UBE2E1: variants seen among roughly 807,000 people sequenced by gnomAD.
The protein encoded by UBE2E1 is ubiquitin-conjugating enzyme E2 E1.
In UBE2E1, 6 loss-of-function variants were observed where a neutral mutation model predicts 21.4. The ratio of observed to expected loss-of-function variants is 0.28; its 90% CI spans 0.15 to 0.55. UBE2E1 has a LOEUF of 0.55. Among genes scored for constraint, UBE2E1 ranks in the 20% least tolerant of loss-of-function variants. The pLI is 0.93. For missense variants in UBE2E1, 142 were observed against 236.5 expected (o/e 0.60, Z 2.62); for synonymous variants, 87 against 82.7 (o/e 1.05, Z -0.28).
At chr3:23,807,168 C>A in intron 1 of UBE2E1, 69 bp from the exon 2 acceptor site, 2 of 1,360,568 alleles carry the variant, frequency 1.5e-6, no homozygotes, top group Non-Finnish European at 2.0e-6. Flanking sequence ...CTCCTGACAG[C>A]ACCCGAGTTC....
intron 3 of UBE2E1, among the ~76,000 whole-genome samples, chr3:23,858,612 G>A (rs966006532): frequency 4.6e-5 from 7 of 152,096 alleles, no homozygotes; most frequent in East Asian, 1.9e-4. Flanking sequence ...GACCCACTGC[G>A]CCCGGCCAGG....
At chr3:23,885,815 G>A (rs1375446268) in intron 3 of UBE2E1, among the ~76,000 whole-genome samples, 6 of 152,150 alleles carry the variant, frequency 3.9e-5, no homozygotes, top group East Asian at 3.9e-4. Context: ...AGCCGAGATC[G>A]TGCCATTGCA....
In UBE2E1 at chr3:23,843,405, A is replaced by G. The variant is rs76271604; in HGVS notation, c.203+31895A>G. Among the ~76,000 whole-genome samples, 1,425 of 152,288 alleles carry G rather than the reference A, an allele frequency of 9.4e-3. 70 individuals are homozygous for G. Among genetic ancestry groups the G allele is most frequent in the Admixed American group, 0.073 (1,117 of 15,282 alleles). On this transcript the variant is annotated intron_variant, in intron 3 of 5. Transcript: ENST00000306627. ...ACAACTGTGGCACACCATTCACATA[A>G]TGATAATATAGATTTTCTCAGTTCT... is the stretch of plus-strand genomic sequence containing the variant.
rs72627027 is a variant in UBE2E1 at position 23,852,791 on chromosome 3, G to C, written c.204-34776G>C. ...AGCTAGGTTTTTGTATTTTTGTAGA[G>C]CAGGGGTCTCACCATGTTGCCCAGG... On this transcript the variant is annotated intron_variant, in intron 3 of 5. Coordinates refer to ENST00000306627, the MANE Select transcript of UBE2E1 (RefSeq NM_003341.5). 3.7e-3 allele frequency among the ~76,000 whole-genome samples: 558 copies of C among 152,172 alleles called. 18 individuals carry two copies. In the East Asian group the frequency reaches 0.052, roughly 14 times the overall value.
rs759418034 is a variant in UBE2E1, at chr3:23,842,246, T to TGTGTGTGTGTG, written c.203+30739_203+30740insTGTGTGTGGTG. On this transcript the variant is annotated intron_variant, in intron 3 of 5. Coordinates refer to ENST00000306627, the MANE Select transcript of UBE2E1 (RefSeq NM_003341.5). This position sits in a 1 kb window ranked among gnomAD's most constrained non-coding sequence, Gnocchi z 4.6. ...GTGTGTGTGTGTGTGTGTGTGTGTG[T>TGTGTGTGTGTG]GTGGTGTTGTTGTTGTTGGCGACAG... Among the ~76,000 whole-genome samples the TGTGTGTGTGTG allele has an allele frequency of 3.8e-3, 140 of 36,740 alleles. No homozygotes were observed. The highest frequency in any genetic ancestry group is 9.6e-3 in the African/African-American group (122 of 12,738). 24.1% of individuals were successfully genotyped at this position (36,740 alleles called of 152,430 possible). A position where few individuals can be genotyped will look rare whatever the true frequency, so the allele number is the denominator to read the frequency against.
chr3:23,806,438 GC>G lies in UBE2E1; in HGVS notation c.-34+351del, dbSNP rs1470995182. On this transcript the variant is annotated intron_variant, in intron 1 of 5. Transcript: ENST00000306627. This position sits in a 1 kb window ranked among gnomAD's most constrained non-coding sequence, Gnocchi z 6.5. ...TGGGGGAGCCCCGTTTTCCCCAGGG[GC>G]GGGGGTTCGCGGGGATTAACCCCTC... Among the ~76,000 whole-genome samples, 6 of 151,758 alleles carry G rather than the reference GC, an allele frequency of 4.0e-5. No homozygotes were observed. The highest frequency in any genetic ancestry group is 7.4e-5 in the Non-Finnish European group (5 of 67,818).
Position 23,827,029 on chromosome 3 carries a change from C to G in UBE2E1, c.203+15519C>G, listed in dbSNP as rs1431163797. Among the ~76,000 whole-genome samples, 3 of 152,090 alleles carry G rather than the reference C, an allele frequency of 2.0e-5. No individual in the cohort carries two copies. In the East Asian group the frequency reaches 5.8e-4, roughly 29 times the overall value. ...CAGTTTCTCATGACTCCTCCCTCTCCCCACTAATAAACAGCTAAGAAAAGG... is the reference window on the plus strand; with the variant it reads ...CAGTTTCTCATGACTCCTCCCTCTCGCCACTAATAAACAGCTAAGAAAAGG... On this transcript the variant is annotated intron_variant, in intron 3 of 5. Transcript: ENST00000306627.
chr3:23,844,483 G>A lies in UBE2E1; in HGVS notation c.203+32973G>A, dbSNP rs191418685. Among the ~76,000 whole-genome samples the A allele has an allele frequency of 2.5e-3, 383 of 152,222 alleles. 1 individual carries two copies. The highest frequency in any genetic ancestry group is 3.9e-3 in the Non-Finnish European group (267 of 68,028). The stretch of plus-strand genomic sequence containing the variant: ...ATTTTATCTTATAGAAGACCAGATC[G>A]TTTCCAGCTCTCCATCCCCACTAAC... On this transcript the variant is annotated intron_variant, in intron 3 of 5. Coordinates refer to ENST00000306627, the MANE Select transcript of UBE2E1 (RefSeq NM_003341.5).
intron 3 of UBE2E1, among the ~76,000 whole-genome samples, chr3:23,821,840 T>C (rs1699652407): frequency 6.6e-6 from 1 of 152,204 alleles, no homozygotes; most frequent in Non-Finnish European, 1.5e-5. Flanking sequence ...ATTTGAAATC[T>C]GTTCCCATGA....
In UBE2E1 at chr3:23,836,977, G is replaced by T. The variant is rs779970768; in HGVS notation, c.203+25467G>T. ...AATCTGTGGCTTGTTAACTTGTTTG[G>T]CATATTGAGTAACATGGCAGGTTCT... On this transcript the variant is annotated intron_variant, in intron 3 of 5. Transcript: ENST00000306627. The surrounding 1 kb of genome is among the most constrained non-coding windows in gnomAD (Gnocchi z 4.1). Among the ~76,000 whole-genome samples, 1 of 152,102 alleles carries T rather than the reference G, an allele frequency of 6.6e-6. No individual in the cohort carries two copies.
At chr3:23,862,170 G>A (rs1161498297) in intron 3 of UBE2E1, among the ~76,000 whole-genome samples, 2 of 152,064 alleles carry the variant, frequency 1.3e-5, no homozygotes, top group African/African-American at 4.8e-5. Flanking sequence ...AGTGGGACAA[G>A]GGAACCTTTC....
At position 23,810,410 on chromosome 3, in the gene UBE2E1, G is replaced by A; in HGVS notation, c.153-1050G>A. ...GGATGGGGCCCTTTGTGAAGTCGAG[G>A]GTTGGTGCGGAGGGAGAAAACTGCA... On this transcript the variant is annotated intron_variant, in intron 2 of 5. Transcript: ENST00000306627. This position sits in a 1 kb window ranked among gnomAD's most constrained non-coding sequence, Gnocchi z 5.8. 1 of 1,533,766 alleles carries A rather than the reference G, an allele frequency of 6.5e-7. No homozygotes were observed. Among genetic ancestry groups the A allele is most frequent in the Non-Finnish European group, 8.7e-7 (1 of 1,145,262 alleles).
chr3:23,888,617 C>T (rs564811687), intron 4 of UBE2E1, among the ~76,000 whole-genome samples: 176 of 152,218 alleles, frequency 1.2e-3, no homozygotes, highest in African/African-American at 3.9e-3. Context: ...CCTGATGTAA[C>T]GGTCAGAAAA....
chr3:23,807,623 C>A, intron 2 of UBE2E1: 3 of 534,710 alleles, frequency 5.6e-6, no homozygotes, highest in Admixed American at 4.2e-5. Flanking sequence ...GCAGCTGTTG[C>A]GGCTTGCCTC....
chr3:23,855,837 T>A (rs965330027), intron 3 of UBE2E1, among the ~76,000 whole-genome samples: 15 of 151,080 alleles, frequency 9.9e-5, no homozygotes, highest in Non-Finnish European at 2.1e-4. Flanking sequence ...CTCAAAAAAA[T>A]AAAAATAAAA....
intron 3 of UBE2E1, among the ~76,000 whole-genome samples, chr3:23,885,989 G>A (rs1302439094): frequency 1.3e-5 from 2 of 152,072 alleles, no homozygotes; most frequent in Non-Finnish European, 2.9e-5. Context: ...TTGAGCCCAG[G>A]AGTTCAAGAC....
chr3:23,872,925 G>A (rs1200485755), intron 3 of UBE2E1, among the ~76,000 whole-genome samples: 2 of 151,958 alleles, frequency 1.3e-5, no homozygotes, highest in East Asian at 3.9e-4. Flanking sequence ...GCTGAGGCAG[G>A]AGAATTGCTT....
At chr3:23,819,056 A>G (rs1316506425) in intron 3 of UBE2E1, among the ~76,000 whole-genome samples, 1 of 152,164 alleles carries the variant, frequency 6.6e-6, no homozygotes, top group African/African-American at 2.4e-5. Flanking sequence ...AGGAAGAGGC[A>G]GGCGGATCAT....
At position 23,876,474 on chromosome 3, in the gene UBE2E1, C is replaced by CT. The variant is rs1700916598; in HGVS notation, c.204-11092dup. Among the ~76,000 whole-genome samples the CT allele has an allele frequency of 1.3e-5, 2 of 152,156 alleles. No individual in the cohort carries two copies. The highest frequency in any genetic ancestry group is 6.5e-5 in the Admixed American group (1 of 15,278). The stretch of plus-strand genomic sequence containing the variant: ...TTCACCCAGTATCTCTGGTAGATTG[C>CT]TACCTTCATAGCTTATCTTCTCTAT... On this transcript the variant is annotated intron_variant, in intron 3 of 5. Transcript: ENST00000306627. The surrounding 1 kb of genome is among the most constrained non-coding windows in gnomAD (Gnocchi z 4.3).
Sources: gnomAD v4.1 joint callset for allele counts (sites outside exome capture counted in the v4.1 genomes callset) on GRCh38, gnomAD v4.1.1 for gene constraint, Gnocchi (gnomAD v3.1) non-coding constraint, MANE v1.5 for transcripts, NCBI Gene and HGNC (gene_info 2026-07-23, HGNC 2026-07-21) for gene names.